Variants in MTA3 observed in about 807,000 individuals in gnomAD.
The protein encoded by MTA3 is metastasis associated 1 family member 3, also known as metastasis-associated protein MTA3.
Under a neutral mutation model 83.5 loss-of-function variants are expected in MTA3, and 34 were observed. The observed-to-expected ratio is 0.41, with a 90% CI of 0.31 to 0.54. The LOEUF (loss-of-function observed/expected upper bound fraction) is 0.54, where lower values mean the gene tolerates loss of function less well. Ranked by LOEUF, MTA3 falls within the 20% of genes least tolerant of loss-of-function variation. The pLI, the probability that MTA3 is intolerant of heterozygous loss-of-function variation, is 0.33. For synonymous variants in MTA3, 303 were observed against 252.7 expected (o/e 1.20, Z -1.89); for missense variants, 761 against 726.4 (o/e 1.05, Z -0.55).
intron 4 of MTA3, among the ~76,000 whole-genome samples, chr2:42,610,587 C>T (rs1047867665): frequency 2.0e-4 from 30 of 152,132 alleles, no homozygotes; most frequent in Non-Finnish European, 2.6e-4. Flanking sequence ...TTTCTATGAT[C>T]TACTGGTGGT....
intron 4 of MTA3, among the ~76,000 whole-genome samples, chr2:42,632,965 T>TA (rs1341000066): frequency 1.6e-4 from 24 of 150,724 alleles, no homozygotes; most frequent in African/African-American, 5.7e-4. Flanking sequence ...GTACTCCTTT[T>TA]TAAAAAAAAA....
chr2:42,651,694 A>G (rs1260581291), intron 6 of MTA3, among the ~76,000 whole-genome samples: 1 of 151,828 alleles, frequency 6.6e-6, no homozygotes, highest in Non-Finnish European at 1.5e-5. Context: ...CTATTTTGGG[A>G]GGCTGAGGCC....
rs1423490936 is a variant in MTA3 at position 42,625,797 on chromosome 2, G to A, written c.318-14376G>A. Among the ~76,000 whole-genome samples, 3 of 150,264 alleles carry A rather than the reference G, an allele frequency of 2.0e-5. 1 individual carries two copies. The highest frequency in any genetic ancestry group is 7.4e-5 in the African/African-American group (3 of 40,512). ...TTTTCTGAACACAGTATCCTCACCA[G>A]TCATTTTAATAAATCTATTATCTGC... On this transcript the variant is annotated intron_variant, in intron 4 of 16. Coordinates refer to ENST00000405094, the MANE Select transcript of MTA3 (RefSeq NM_001330442.2).
intron 8 of MTA3, among the ~76,000 whole-genome samples, chr2:42,677,099 C>T (rs1691431747): frequency 6.6e-6 from 1 of 152,034 alleles, no homozygotes; most frequent in African/African-American, 2.4e-5. Flanking sequence ...ATAAATTAGG[C>T]ACAGTAAGAG....
intron 4 of MTA3, among the ~76,000 whole-genome samples, chr2:42,619,266 A>G (rs553086434): frequency 1.3e-5 from 2 of 152,320 alleles, no homozygotes; most frequent in Non-Finnish European, 2.9e-5. Flanking sequence ...AAGAGCACTC[A>G]TGAAAAAACT....
intron 4 of MTA3, among the ~76,000 whole-genome samples, chr2:42,633,155 C>T (rs934932036): frequency 8.6e-5 from 13 of 151,408 alleles, no homozygotes; most frequent in African/African-American, 1.7e-4. Flanking sequence ...CCTAGCTACT[C>T]GGGAGGCTGA....
intron 2 of MTA3, among the ~76,000 whole-genome samples, chr2:42,524,672 A>G (rs1273730159): frequency 6.6e-6 from 1 of 151,286 alleles, no homozygotes; most frequent in Admixed American, 6.6e-5. Context: ...TCATCCCTGT[A>G]TTGCTCTTCA....
chr2:42,665,030 A>G (rs1171618857), intron 8 of MTA3, among the ~76,000 whole-genome samples: 1 of 152,254 alleles, frequency 6.6e-6, no homozygotes, highest in South Asian at 2.1e-4. Flanking sequence ...ATTGTTAAAA[A>G]ACATTGAAGC....
Position 42,755,500 on chromosome 2 carries a change from G to C in MTA3, c.*2101G>C, listed in dbSNP as rs559330411. The C allele has an allele frequency of 1.0e-4, 103 of 985,480 alleles. No individual in the cohort carries two copies. In the African/African-American group the frequency reaches 1.7e-3, roughly 16 times the overall value. The allele number at this position is 985,480 out of a possible 1,614,324, so 61.0% of individuals were successfully genotyped here. A position where few individuals can be genotyped will look rare whatever the true frequency, so the allele number is the denominator to read the frequency against. ...TGTTCGAGCCACGTGTGCCAAGCAG[G>C]CTTTTCCTTCCTCTTGTAAGTAAAG... On this transcript the variant is annotated 3_prime_UTR_variant, in exon 17 of 17. Coordinates refer to ENST00000405094, the MANE Select transcript of MTA3 (RefSeq NM_001330442.2).
At chr2:42,616,130 G>A (rs537816991) in intron 4 of MTA3, among the ~76,000 whole-genome samples, 1 of 151,258 alleles carries the variant, frequency 6.6e-6, no homozygotes, top group Non-Finnish European at 1.5e-5. Flanking sequence ...GTGTGATCTC[G>A]GCTCACTGCA....
chr2:42,726,160 T>C (rs1256103535), intron 16 of MTA3, among the ~76,000 whole-genome samples: 2 of 152,178 alleles, frequency 1.3e-5, no homozygotes, highest in Non-Finnish European at 2.9e-5. Context: ...TTAGCACTGC[T>C]ACTTAATTAT....
chr2:42,698,777 T>G (rs1384626802), intron 11 of MTA3, among the ~76,000 whole-genome samples: 1 of 152,218 alleles, frequency 6.6e-6, no homozygotes, highest in Non-Finnish European at 1.5e-5. Context: ...GTTCTGATCT[T>G]TCATATTGAT....
intron 3 of MTA3, among the ~76,000 whole-genome samples, chr2:42,590,110 C>T (rs189188565): frequency 2.0e-5 from 3 of 152,234 alleles, no homozygotes; most frequent in Non-Finnish European, 4.4e-5. Context: ...TCTTCTTATA[C>T]ACCCAAGAGA....
chr2:42,577,367 G>A (rs1679174082), intron 2 of MTA3, among the ~76,000 whole-genome samples: 1 of 151,720 alleles, frequency 6.6e-6, no homozygotes, highest in African/African-American at 2.4e-5. Flanking sequence ...TTTGAACTAT[G>A]CTCCCCGCCC....
At chr2:42,669,284 A>G (rs1021938213) in intron 8 of MTA3, among the ~76,000 whole-genome samples, 1 of 151,906 alleles carries the variant, frequency 6.6e-6, no homozygotes, top group Non-Finnish European at 1.5e-5. Context: ...GCTTTTCACC[A>G]TGTTTGCCAG....
At chr2:42,730,945 G>A (rs1480094386) in intron 16 of MTA3, among the ~76,000 whole-genome samples, 1 of 152,092 alleles carries the variant, frequency 6.6e-6, no homozygotes, top group South Asian at 2.1e-4. Flanking sequence ...TAGGTTGTAT[G>A]TGTCTAGGAA....
intron 8 of MTA3, among the ~76,000 whole-genome samples, chr2:42,678,870 C>T (rs1263450942): frequency 6.6e-6 from 1 of 152,100 alleles, no homozygotes; most frequent in Non-Finnish European, 1.5e-5. Context: ...GACATTTGAG[C>T]TCTCCTACAG....
In MTA3 at chr2:42,754,790, C is replaced by T. The variant is rs571292349; in HGVS notation, c.*1391C>T. 23 of 985,464 alleles carry T rather than the reference C, an allele frequency of 2.3e-5. No homozygotes were observed. Among genetic ancestry groups the T allele is most frequent in the African/African-American group, 1.6e-4 (9 of 57,340 alleles). The allele number at this position is 985,464 out of a possible 1,614,324, so 61.0% of individuals were successfully genotyped here. Reference sequence around the variant, plus strand: ...AATTGAATTGACACCCTGGGAAGCACGAGGTAACTTGGTAAGGATAATGAT... The same window carrying T: ...AATTGAATTGACACCCTGGGAAGCATGAGGTAACTTGGTAAGGATAATGAT... On this transcript the variant is annotated 3_prime_UTR_variant, in exon 17 of 17. Coordinates refer to ENST00000405094, the MANE Select transcript of MTA3 (RefSeq NM_001330442.2).
intron 9 of MTA3, chr2:42,682,800 C>G: frequency 4.1e-6 from 2 of 489,806 alleles, no homozygotes; most frequent in Non-Finnish European, 7.3e-6. Flanking sequence ...AGGCCGGGTA[C>G]GGTGGCTCAC....
Sources: allele counts gnomAD v4.1 joint callset (sites outside exome capture counted in the v4.1 genomes callset), GRCh38; gene constraint gnomAD v4.1.1; transcripts MANE v1.5; gene names NCBI Gene and HGNC (gene_info 2026-07-23, HGNC 2026-07-21).